Variants in RGMA observed in about 807,000 individuals in gnomAD.
The protein encoded by RGMA is repulsive guidance molecule A.
Under a neutral mutation model 23.2 loss-of-function variants are expected in RGMA, and 10 were observed. That is an observed-to-expected ratio of 0.43 (90% CI 0.27 to 0.73). The LOEUF (loss-of-function observed/expected upper bound fraction) is 0.73. RGMA is among the 30% of genes least tolerant of loss of function. The pLI, the probability that RGMA is intolerant of heterozygous loss-of-function variation, is 0.20. For synonymous variants in RGMA, 308 were observed against 279.3 expected (o/e 1.10, Z -1.03); for missense variants, 547 against 630.5 (o/e 0.87, Z 1.42).
intron 2 of RGMA, among the ~76,000 whole-genome samples, chr15:93,064,442 C>T (rs1355628172): frequency 6.6e-6 from 1 of 152,350 alleles, no homozygotes; most frequent in African/African-American, 2.4e-5. Context: ...GCCTAGCCTG[C>T]GGGTCTAAAT....
In RGMA at chr15:93,041,333, G is replaced by A. The variant is rs1319303853; in HGVS notation, c.*3665C>T. 2.0e-5 allele frequency: 3 copies of A among 152,244 alleles called. No individual in the cohort carries two copies. Among genetic ancestry groups the A allele is most frequent in the African/African-American group, 7.2e-5 (3 of 41,448 alleles). The allele number at this position is 152,244 out of a possible 1,614,324, so 9.4% of individuals were successfully genotyped here. The stretch of plus-strand genomic sequence containing the variant: ...CTAATGCATTTACCTCCAGGCCGCA[G>A]GCCTCCGCGGAGCTGGCAGCCAGGA... On this transcript the variant is annotated 3_prime_UTR_variant, in exon 4 of 4. Transcript: ENST00000329082.
chr15:93,045,873 AC>A lies in RGMA; in HGVS notation c.646-169del, dbSNP rs2054817590. Among the ~76,000 whole-genome samples the A allele has an allele frequency of 6.6e-6, 1 of 152,238 alleles. No homozygotes were observed. The highest frequency in any genetic ancestry group is 1.5e-5 in the Non-Finnish European group (1 of 68,040). Reference sequence around the variant, plus strand: ...ATCAGTTCCACCTGCGCAGCTGTGCACTTCACATTCTTTCAATGAAAACAAC... The same window carrying A: ...ATCAGTTCCACCTGCGCAGCTGTGCATTCACATTCTTTCAATGAAAACAAC... On this transcript the variant is annotated intron_variant, in intron 3 of 3. Coordinates refer to ENST00000329082, the MANE Select transcript of RGMA (RefSeq NM_020211.3). The surrounding 1 kb of genome is among the most constrained non-coding windows in gnomAD (Gnocchi z 6.9).
chr15:93,076,400 T>C (rs181092120), intron 1 of RGMA, among the ~76,000 whole-genome samples: 12 of 152,316 alleles, frequency 7.9e-5, no homozygotes, highest in African/African-American at 2.6e-4. Context: ...TGCCTGCTTC[T>C]AGGTATGAAC....
intron 3 of RGMA, among the ~76,000 whole-genome samples, chr15:93,048,943 C>A (rs888856285): frequency 7.2e-5 from 11 of 152,170 alleles, no homozygotes; most frequent in Non-Finnish European, 1.6e-4. Context: ...TGCCATCAGT[C>A]TCCCTGGAAC....
chr15:93,062,326 A>C (rs1894993477), intron 2 of RGMA, among the ~76,000 whole-genome samples: 1 of 152,238 alleles, frequency 6.6e-6, no homozygotes, highest in Non-Finnish European at 1.5e-5. Flanking sequence ...ATACAAAGCA[A>C]ACATGTTTCA....
intron 2 of RGMA, among the ~76,000 whole-genome samples, chr15:93,056,139 C>T (rs1032899691): frequency 2.6e-5 from 4 of 152,192 alleles, no homozygotes; most frequent in South Asian, 2.1e-4. Flanking sequence ...TGCTGGTCCC[C>T]GGCCCACTTT....
intron 1 of RGMA, 182 bp downstream of exon 1, chr15:93,088,737 A>G: frequency 2.7e-6 from 2 of 752,042 alleles, no homozygotes; most frequent in Non-Finnish European, 2.0e-6. Flanking sequence ...AACCACAAAA[A>G]CTTTCCTGCT....
chr15:93,059,222 C>T (rs1473642120), intron 2 of RGMA, among the ~76,000 whole-genome samples: 1 of 152,176 alleles, frequency 6.6e-6, no homozygotes, highest in Non-Finnish European at 1.5e-5. Context: ...TCCCCCAAGG[C>T]CCAAAAGCAT....
intron 2 of RGMA, among the ~76,000 whole-genome samples, chr15:93,063,429 G>A (rs560729205): frequency 4.6e-5 from 7 of 152,296 alleles, no homozygotes; most frequent in Middle Eastern, 3.4e-3. Flanking sequence ...AGGAACAGAC[G>A]CACCACCCAT....
chr15:93,088,885 AGCCGGGTCTGCCCGGCT>A lies in RGMA; in HGVS notation c.14+17_14+33del. Reference sequence around the variant, plus strand: ...GTCGGCGGCGCCTCGGAGATGTCAGAGCCGGGTCTGCCCGGCTCCCGACCCGCGCTTACCTTGGCGGC... The same window carrying A: ...GTCGGCGGCGCCTCGGAGATGTCAGACCCGACCCGCGCTTACCTTGGCGGC... On this transcript the variant is annotated intron_variant, in intron 1 of 3. Coordinates refer to ENST00000329082, the MANE Select transcript of RGMA (RefSeq NM_020211.3). 1 of 1,493,734 alleles carries A rather than the reference AGCCGGGTCTGCCCGGCT, an allele frequency of 6.7e-7. No individual in the cohort carries two copies. Among genetic ancestry groups the A allele is most frequent in the Non-Finnish European group, 8.9e-7 (1 of 1,128,024 alleles). 92.5% of individuals were successfully genotyped at this position (1,493,734 alleles called of 1,614,324 possible). A position where few individuals can be genotyped will look rare whatever the true frequency, so the allele number is the denominator to read the frequency against.
chr15:93,080,640 A>G (rs1420946273), intron 1 of RGMA, among the ~76,000 whole-genome samples: 2 of 151,908 alleles, frequency 1.3e-5, no homozygotes, highest in Non-Finnish European at 2.9e-5. Flanking sequence ...GCTCCCTTTG[A>G]CCTCTGCTGC....
At chr15:93,051,046 G>A (rs931082882) in intron 3 of RGMA, among the ~76,000 whole-genome samples, 1 of 152,214 alleles carries the variant, frequency 6.6e-6, no homozygotes, top group African/African-American at 2.4e-5. Context: ...TAGGTGTCAT[G>A]TTGTGGTGCC....
At chr15:93,049,868 T>G (rs2054889475) in intron 3 of RGMA, among the ~76,000 whole-genome samples, 1 of 151,912 alleles carries the variant, frequency 6.6e-6, no homozygotes, top group African/African-American at 2.4e-5. Flanking sequence ...TGGTAGAGTC[T>G]GGCAGGCCCA....
At chr15:93,057,991 G>C (rs1011806226) in intron 2 of RGMA, among the ~76,000 whole-genome samples, 2 of 152,098 alleles carry the variant, frequency 1.3e-5, no homozygotes, top group Non-Finnish European at 2.9e-5. Context: ...CCTTCCCCAA[G>C]TTTTCACGGC....
At chr15:93,065,959 G>T in intron 2 of RGMA, 1 of 884,292 alleles carries the variant, frequency 1.1e-6, no homozygotes. Flanking sequence ...GAAGGGTGGG[G>T]GGCGCCGTCG....
At chr15:93,084,370 C>A (rs1025985861) in intron 1 of RGMA, among the ~76,000 whole-genome samples, 2 of 152,192 alleles carry the variant, frequency 1.3e-5, no homozygotes, top group Non-Finnish European at 2.9e-5. Context: ...TCAGCAAGGT[C>A]TTCTATTCTT....
chr15:93,085,422 T>A (rs1318312979), intron 1 of RGMA, among the ~76,000 whole-genome samples: 1 of 152,224 alleles, frequency 6.6e-6, no homozygotes, highest in Non-Finnish European at 1.5e-5. Context: ...CTGCCTAATT[T>A]TCAGGCTCTG....
At position 93,044,994 on chromosome 15, in the gene RGMA, G is replaced by T. The variant is rs141995512; in HGVS notation, c.*4C>A. 10 of 1,594,030 alleles carry T rather than the reference G, an allele frequency of 6.3e-6. No individual in the cohort carries two copies. The highest frequency in any genetic ancestry group is 8.5e-6 in the Non-Finnish European group (10 of 1,170,202). ...AGCCCGCGCCTCCCTCCACATCTAC[G>T]CGTCTAGCAGAACACAGGGAGCAGG... On this transcript the variant is annotated 3_prime_UTR_variant, in exon 4 of 4. Coordinates refer to ENST00000329082, the MANE Select transcript of RGMA (RefSeq NM_020211.3).
Position 93,045,001 on chromosome 15 carries a change from G to A in RGMA, c.1350C>T (p.Cys450=). The stretch of plus-strand genomic sequence containing the variant: ...GCCTCCCTCCACATCTACGCGTCTA[G>A]CAGAACACAGGGAGCAGGGCCAGGA... ...VPLLALLPVF[C] The change falls in exon 4 of 4, where the codon TGC becomes TGT. Residue 450 remains cysteine (C), a synonymous_variant. Coordinates refer to ENST00000329082, the MANE Select transcript of RGMA (RefSeq NM_020211.3). The surrounding 1 kb of genome is among the most constrained non-coding windows in gnomAD (Gnocchi z 6.9). The A allele has an allele frequency of 1.3e-6, 2 of 1,597,946 alleles. No homozygotes were observed. Among genetic ancestry groups the A allele is most frequent in the African/African-American group, 1.3e-5 (1 of 74,652 alleles).
Sources: allele counts gnomAD v4.1 joint callset (sites outside exome capture counted in the v4.1 genomes callset), GRCh38; gene constraint gnomAD v4.1.1; non-coding constraint Gnocchi (gnomAD v3.1); transcripts MANE v1.5; gene names NCBI Gene and HGNC (gene_info 2026-07-23, HGNC 2026-07-21).